The following AGT variants were observed in gnomAD, a reference collection of about 807,000 sequenced individuals.
AGT encodes angiotensinogen, also known as alpha-1 antiproteinase, antitrypsin.
A neutral mutation model predicts 28.1 loss-of-function variants in AGT; 26 were observed. That is an observed-to-expected ratio of 0.92 (90% CI 0.68 to 1.28). The LOEUF is 1.28. Ranked by LOEUF, AGT falls within the 50% of genes most tolerant of loss-of-function variation. The probability of loss-of-function intolerance (pLI) is 0.00; values close to 1 mark genes in which losing one functional copy is unlikely to be tolerated. For synonymous variants in AGT, 259 were observed against 259.6 expected (o/e 1.00, Z 0.02); for missense variants, 596 against 592.3 (o/e 1.01, Z -0.06).
intron 2 of AGT, 72 bp from the exon 3 acceptor site, chr1:230,706,272 C>T: frequency 6.5e-7 from 1 of 1,537,164 alleles, no homozygotes; most frequent in South Asian, 1.2e-5. Context: ...CTGGCAGACA[C>T]CAAAGGCCCA....
intron 3 of AGT, among the ~76,000 whole-genome samples, 190 bp from the exon 4 acceptor site, chr1:230,704,527 C>A (rs61757186): frequency 6.6e-6 from 1 of 152,252 alleles, no homozygotes; most frequent in East Asian, 1.9e-4. Flanking sequence ...TCCTTCATGT[C>A]ATTTGCAATA....
At chr1:230,707,691 G>C (rs1040733483) in intron 2 of AGT, among the ~76,000 whole-genome samples, 1 of 152,160 alleles carries the variant, frequency 6.6e-6, no homozygotes, top group African/African-American at 2.4e-5. Context: ...TTAGTTTAGA[G>C]GGGGGAAAGG....
chr1:230,742,375 G>C (rs1320531868), intron 1 of AGT, among the ~76,000 whole-genome samples: 1 of 152,166 alleles, frequency 6.6e-6, no homozygotes, highest in Non-Finnish European at 1.5e-5. Context: ...GAGTGCAGTA[G>C]CACCATCTCG....
intron 1 of AGT, among the ~76,000 whole-genome samples, chr1:230,726,973 G>T (rs955563229): frequency 6.6e-6 from 1 of 152,190 alleles, no homozygotes; most frequent in Non-Finnish European, 1.5e-5. Flanking sequence ...AATACTGGAA[G>T]TTCTCCCTTC....
intron 1 of AGT, among the ~76,000 whole-genome samples, chr1:230,728,420 T>C (rs1487726808): frequency 6.6e-6 from 1 of 152,140 alleles, no homozygotes; most frequent in African/African-American, 2.4e-5. Context: ...ATAAACTAAA[T>C]TTCTCCTAAA....
rs1390056305 is a variant in AGT at position 230,702,822 on chromosome 1, CG to C, written c.*318del. The C allele has an allele frequency of 2.5e-5, 8 of 325,322 alleles. No homozygotes were observed. The highest frequency in any genetic ancestry group is 1.7e-4 in the African/African-American group (8 of 48,328). The allele number at this position is 325,322 out of a possible 1,614,324, so 20.2% of individuals were successfully genotyped here. A position where few individuals can be genotyped will look rare whatever the true frequency, so the allele number is the denominator to read the frequency against. ...TTTTTTGTTTCACAAACAAGCTGGT[CG>C]GTTGGAATTCTTTTTGGAACAGTAG... On this transcript the variant is annotated 3_prime_UTR_variant, in exon 5 of 5. Transcript: ENST00000366667.
At chr1:230,732,028 G>A (rs777250118) in intron 1 of AGT, among the ~76,000 whole-genome samples, 5 of 152,194 alleles carry the variant, frequency 3.3e-5, no homozygotes, top group Non-Finnish European at 5.9e-5. Context: ...CCCCAGAGAA[G>A]AGCCCTGCCC....
chr1:230,704,477 T>G, intron 3 of AGT, 140 bp from the exon 4 acceptor site: 1 of 1,171,146 alleles, frequency 8.5e-7, no homozygotes, highest in Non-Finnish European at 1.2e-6. Context: ...TAAGTCATCC[T>G]CCCCCTTGGG....
At chr1:230,704,429 C>A (rs547261300) in intron 3 of AGT, 92 bp from the exon 4 acceptor site, 4 of 1,499,728 alleles carry the variant, frequency 2.7e-6, no homozygotes, top group Non-Finnish European at 2.7e-6. Flanking sequence ...TGCACCCAAC[C>A]CTGACGACAG....
chr1:230,723,661 T>C (rs1663886541), intron 1 of AGT, among the ~76,000 whole-genome samples: 1 of 152,212 alleles, frequency 6.6e-6, no homozygotes, highest in Non-Finnish European at 1.5e-5. Context: ...TATTTTATCA[T>C]CTAATATGCT....
chr1:230,722,290 G>T (rs1663860693), intron 1 of AGT, among the ~76,000 whole-genome samples: 1 of 152,250 alleles, frequency 6.6e-6, no homozygotes, highest in Non-Finnish European at 1.5e-5. Context: ...GTATGGAAAT[G>T]CCTGGATGTC....
intron 1 of AGT, among the ~76,000 whole-genome samples, chr1:230,736,630 T>A (rs1035089965): frequency 1.2e-4 from 18 of 152,222 alleles, no homozygotes; most frequent in African/African-American, 4.3e-4. Flanking sequence ...AGAAATAGGT[T>A]ACTCTGGGTG....
chr1:230,743,453 G>A (rs1449342726), intron 1 of AGT, among the ~76,000 whole-genome samples: 1 of 150,688 alleles, frequency 6.6e-6, no homozygotes, highest in Admixed American at 6.7e-5. Context: ...ACTTCTAGAA[G>A]AATCTGTCCC....
In AGT at chr1:230,736,311, C is replaced by T. The variant is rs748479540; in HGVS notation, c.-31+9204G>A. Among the ~76,000 whole-genome samples the T allele has an allele frequency of 4.6e-5, 7 of 152,130 alleles. No homozygotes were observed. The South Asian group carries it at 1.5e-3, about 32-fold the overall frequency. On this transcript the variant is annotated intron_variant, in intron 1 of 4. Transcript: ENST00000681269. ...GGCTGAGGTGGGCAGATCATGAGGTCGGGAGATTGAGACCATCCTGGCTAA... is the reference window on the plus strand; with the variant it reads ...GGCTGAGGTGGGCAGATCATGAGGTTGGGAGATTGAGACCATCCTGGCTAA...
Position 230,742,355 on chromosome 1 carries a change from A to G in AGT, c.-31+3160T>C, listed in dbSNP as rs111509245. The stretch of plus-strand genomic sequence containing the variant: ...TTTTGAGACAGAGTCTCGCACTGTC[A>G]CCCAGGCTGGAGTGCAGTAGCACCA... On this transcript the variant is annotated intron_variant, in intron 1 of 4. Transcript: ENST00000681269. Among the ~76,000 whole-genome samples the G allele has an allele frequency of 1.6e-3, 243 of 152,182 alleles. 3 individuals carry two copies. The highest frequency in any genetic ancestry group is 5.7e-3 in the African/African-American group (237 of 41,518).
chr1:230,702,929 C>A lies in AGT; in HGVS notation c.*212G>T, dbSNP rs562379444. 4.2e-5 allele frequency: 25 copies of A among 595,230 alleles called. No individual in the cohort carries two copies. The highest frequency in any genetic ancestry group is 6.8e-5 in the Non-Finnish European group (23 of 339,172). The allele number at this position is 595,230 out of a possible 1,614,324, so 36.9% of individuals were successfully genotyped here. A position where few individuals can be genotyped will look rare whatever the true frequency, so the allele number is the denominator to read the frequency against. On this transcript the variant is annotated 3_prime_UTR_variant, in exon 5 of 5. Transcript: ENST00000366667. ...AGCAAACTGGGAGGTGCATTTGTGC[C>A]GCTGCAGGCTTCTACTGCTCACTCC...
At chr1:230,744,655 C>G (rs1046269512) in intron 1 of AGT, among the ~76,000 whole-genome samples, 2 of 152,148 alleles carry the variant, frequency 1.3e-5, no homozygotes, top group African/African-American at 2.4e-5. Flanking sequence ...CTCCAATTAC[C>G]TAGCAACTAT....
At position 230,703,225 on chromosome 1, in the gene AGT, G is replaced by A. The variant is rs748948502; in HGVS notation, c.1347C>T (p.Arg449=). The A allele has an allele frequency of 3.7e-6, 6 of 1,614,112 alleles. No individual in the cohort carries two copies. In the African/African-American group the frequency reaches 8.0e-5, roughly 22 times the overall value. ...KPEVLEVTLN[R]PFLFAVYDQS... is the part of the protein sequence containing the mutation. ...GATCATACACAGCAAACAGGAATGG[G>A]CGGTTCAGGGTCACCTCCAAGACCT... The change falls in exon 5 of 5, where the codon CGC becomes CGT. Residue 449 remains arginine, a synonymous_variant. Transcript: ENST00000366667.
chr1:230,731,173 G>C (rs1344210310), intron 1 of AGT, among the ~76,000 whole-genome samples: 2 of 152,158 alleles, frequency 1.3e-5, no homozygotes, highest in Non-Finnish European at 2.9e-5. Flanking sequence ...TGTGTCTGAG[G>C]CTTCCAGGCA....
Sources: gnomAD v4.1 joint callset for allele counts (sites outside exome capture counted in the v4.1 genomes callset) on GRCh38, gnomAD v4.1.1 for gene constraint, MANE v1.5 for transcripts, NCBI Gene and HGNC (gene_info 2026-07-23, HGNC 2026-07-21) for gene names.